Variants in NCAM2 observed in about 807,000 individuals in gnomAD.
NCAM2 encodes neural cell adhesion molecule 2.
NCAM2 carries 30 observed loss-of-function variants against 98.1 expected under a neutral mutation model. The ratio of observed to expected loss-of-function variants is 0.31; its 90% CI spans 0.23 to 0.41. The LOEUF is 0.41. Among genes scored for constraint, NCAM2 ranks in the 10% least tolerant of loss-of-function variants. The probability of loss-of-function intolerance (pLI) is 1.00; values close to 1 mark genes in which losing one functional copy is unlikely to be tolerated. For synonymous variants in NCAM2, 368 were observed against 342.4 expected, an observed-to-expected ratio of 1.07 and a Z score of -0.83; for missense variants, 867 against 1,005.8, an observed-to-expected ratio of 0.86 and a Z score of 1.87.
At chr21:21,350,870 G>C (rs921722855) in intron 8 of NCAM2, among the ~76,000 whole-genome samples, 1 of 150,012 alleles carries the variant, frequency 6.7e-6, no homozygotes, top group Non-Finnish European at 1.5e-5. Flanking sequence ...GGTGGATCAC[G>C]AGGTCAGGAG....
intron 1 of NCAM2, among the ~76,000 whole-genome samples, chr21:21,241,831 T>A (rs558515310): frequency 1.1e-4 from 17 of 152,260 alleles, no homozygotes; most frequent in Admixed American, 3.9e-4. Context: ...TGATGGTGAG[T>A]GTTCAAAAAC....
chr21:21,266,865 T>C (rs529438425), intron 1 of NCAM2, among the ~76,000 whole-genome samples: 11 of 152,230 alleles, frequency 7.2e-5, no homozygotes, highest in Admixed American at 2.6e-4. Flanking sequence ...GAACTTAAAG[T>C]ATAATAAAAA....
chr21:21,255,386 C>CG (rs1278440095), intron 1 of NCAM2, among the ~76,000 whole-genome samples: 3 of 152,200 alleles, frequency 2.0e-5, no homozygotes, highest in Admixed American at 6.5e-5. Context: ...AGCAGGGCTT[C>CG]ACCTTCTGTG....
At chr21:21,047,624 TACAC>T (rs2065027830) in intron 1 of NCAM2, among the ~76,000 whole-genome samples, 1 of 152,280 alleles carries the variant, frequency 6.6e-6, no homozygotes, top group East Asian at 1.9e-4. Flanking sequence ...ATAAAACTAA[TACAC>T]AAAGAGCACT....
At chr21:21,451,856 C>CA (rs999965080) in intron 12 of NCAM2, among the ~76,000 whole-genome samples, 25 of 151,990 alleles carry the variant, frequency 1.6e-4, no homozygotes, top group Admixed American at 9.9e-4. Flanking sequence ...AAACACATAG[C>CA]AAAAAATGTA....
chr21:21,161,359 A>G (rs1287478052), intron 1 of NCAM2, among the ~76,000 whole-genome samples: 2 of 151,920 alleles, frequency 1.3e-5, no homozygotes, highest in African/African-American at 4.8e-5. Context: ...TTATTATTTC[A>G]TGTATTTGTT....
intron 15 of NCAM2, among the ~76,000 whole-genome samples, chr21:21,486,482 C>A (rs1986400079): frequency 3.3e-5 from 5 of 151,960 alleles, no homozygotes; most frequent in Admixed American, 2.6e-4. Context: ...TATTAAATTT[C>A]TCGATATTTG....
At chr21:21,117,174 T>C (rs1411214064) in intron 1 of NCAM2, among the ~76,000 whole-genome samples, 1 of 152,182 alleles carries the variant, frequency 6.6e-6, no homozygotes. Context: ...CTTATTAATC[T>C]TATATCTGAA....
intron 1 of NCAM2, among the ~76,000 whole-genome samples, chr21:21,046,038 T>A (rs2065002167): frequency 6.6e-6 from 1 of 152,204 alleles, no homozygotes; most frequent in African/African-American, 2.4e-5. Context: ...TCAGTTTTCT[T>A]GCCTAGTAAA....
chr21:21,017,548 C>T (rs755238497), intron 1 of NCAM2, among the ~76,000 whole-genome samples: 4 of 151,342 alleles, frequency 2.6e-5, no homozygotes, highest in East Asian at 1.9e-4. Context: ...TATCGAAGCA[C>T]GGGCGATTAT....
chr21:21,182,663 C>T (rs2826722), intron 1 of NCAM2, among the ~76,000 whole-genome samples: 70,539 of 151,944 alleles, frequency 0.46, 17,043 homozygotes, highest in South Asian at 0.6. Flanking sequence ...CTATCTTCAC[C>T]AACCCAATTT....
Position 21,410,449 on chromosome 21 carries a change from G to C in NCAM2, c.1371G>C (p.Lys457Asn). The change falls in exon 10 of 18, where the codon AAG becomes AAC. Residue 457 changes from lysine (K) to asparagine (N), a missense_variant. This residue lies in a region of NCAM2 where 56 missense variants were observed against 39.6 expected (regional missense o/e 1.41). Coordinates refer to ENST00000400546, the MANE Select transcript of NCAM2 (RefSeq NM_004540.5). ...TAAAGACTTATAGTACAGGAAGAAA[G>C]ATGATATTAGAGGTAAGTCCACATG... ...TNLKTYSTGR[K>N]MILEIAPTSD... 6.5e-7 allele frequency: 1 copy of C among 1,549,116 alleles called. No homozygotes were observed. The highest frequency in any genetic ancestry group is 8.7e-7 in the Non-Finnish European group (1 of 1,148,028).
intron 1 of NCAM2, among the ~76,000 whole-genome samples, chr21:21,219,600 T>C (rs1398143104): frequency 6.6e-6 from 1 of 152,262 alleles, no homozygotes; most frequent in African/African-American, 2.4e-5. Context: ...CATACTTTTA[T>C]GAATACTGCA....
chr21:21,235,354 G>A (rs1036830042), intron 1 of NCAM2, among the ~76,000 whole-genome samples: 1 of 151,838 alleles, frequency 6.6e-6, no homozygotes, highest in African/African-American at 2.4e-5. Flanking sequence ...TTAAGAAATA[G>A]TTTTATTTAT....
intron 12 of NCAM2, among the ~76,000 whole-genome samples, chr21:21,439,856 G>A (rs898081586): frequency 6.6e-6 from 1 of 152,122 alleles, no homozygotes; most frequent in African/African-American, 2.4e-5. Context: ...TGTACAAAAT[G>A]TATTCATTTA....
At chr21:21,486,177 G>T (rs1257809814) in intron 15 of NCAM2, among the ~76,000 whole-genome samples, 1 of 151,790 alleles carries the variant, frequency 6.6e-6, no homozygotes, top group Non-Finnish European at 1.5e-5. Context: ...GGTGGCGGGC[G>T]CCTGTAGTCC....
chr21:21,137,516 C>T (rs990707842), intron 1 of NCAM2, among the ~76,000 whole-genome samples: 1 of 152,158 alleles, frequency 6.6e-6, no homozygotes, highest in African/African-American at 2.4e-5. Flanking sequence ...CTGTGGCTCA[C>T]GCCTGTAATC....
chr21:21,180,811 AG>A (rs1210098355), intron 1 of NCAM2, among the ~76,000 whole-genome samples: 1 of 152,200 alleles, frequency 6.6e-6, no homozygotes, highest in Admixed American at 6.5e-5. Context: ...AGTTATGTAG[AG>A]AAATGAAAAC....
chr21:21,082,483 A>G (rs1208617910), intron 1 of NCAM2, among the ~76,000 whole-genome samples: 1 of 152,176 alleles, frequency 6.6e-6, no homozygotes, highest in Non-Finnish European at 1.5e-5. Context: ...TTTAGTTTTA[A>G]AAGTAGCTAG....
Sources: gnomAD v4.1 joint callset for allele counts (sites outside exome capture counted in the v4.1 genomes callset) on GRCh38, gnomAD v4.1.1 for gene constraint, gnomAD v4.1.1 regional missense constraint, MANE v1.5 for transcripts, NCBI Gene and HGNC (gene_info 2026-07-23, HGNC 2026-07-21) for gene names.